Variants in MATR3 observed in about 807,000 individuals in gnomAD.
MATR3 encodes matrin 3.
Under a neutral mutation model 85.5 loss-of-function variants are expected in MATR3, and 4 were observed. The observed-to-expected ratio is 0.05, with a 90% CI of 0.02 to 0.11. MATR3 has a LOEUF of 0.11. MATR3 is among the 10% of genes least tolerant of loss of function. The pLI is 1.00. For synonymous variants in MATR3, 336 were observed against 343.1 expected, an observed-to-expected ratio of 0.98 and a Z score of 0.23; for missense variants, 685 against 1,016.1, an observed-to-expected ratio of 0.67 and a Z score of 4.43.
At chr5:139,284,764 A>G (rs1753649437) in intron 3 of MATR3, among the ~76,000 whole-genome samples, 1 of 152,226 alleles carries the variant, frequency 6.6e-6, no homozygotes, top group Non-Finnish European at 1.5e-5. Context: ...TGTGTAAATT[A>G]TAACTTGAAG....
In MATR3 at chr5:139,329,532, CTG is replaced by C. The variant is rs1756028466; in HGVS notation, c.*139_*140del. On this transcript the variant is annotated 3_prime_UTR_variant, in exon 15 of 15. Coordinates refer to ENST00000394805, the MANE Select transcript of MATR3 (RefSeq NM_018834.6). ...GTTTTAGTGGAGAAATAATAGATGT[CTG>C]TTCATGTGTTAAGTGTTATAGCAAA... 1 of 737,534 alleles carries C rather than the reference CTG, an allele frequency of 1.4e-6. No individual in the cohort carries two copies. The allele number at this position is 737,534 out of a possible 1,614,324, so 45.7% of individuals were successfully genotyped here.
At position 139,330,494 on chromosome 5, in the gene MATR3, A is replaced by G. The variant is rs2152036090; in HGVS notation, c.*1099A>G. On this transcript the variant is annotated 3_prime_UTR_variant, in exon 15 of 15. Transcript: ENST00000394805. ...GCTCTTAAACTTTGTGCATGCTTTA[A>G]CAATTTATTACTTTTAAATCTAGAG... 1 of 454,232 alleles carries G rather than the reference A, an allele frequency of 2.2e-6. No individual in the cohort carries two copies. Among genetic ancestry groups the G allele is most frequent in the Admixed American group, 2.3e-5 (1 of 42,572 alleles). The allele number at this position is 454,232 out of a possible 1,614,324, so 28.1% of individuals were successfully genotyped here.
rs886060001 is a variant in MATR3, at chr5:139,331,286, T to G, written c.*1891T>G. On this transcript the variant is annotated 3_prime_UTR_variant, in exon 15 of 15. Transcript: ENST00000394805. ...TTGCCAGTTTACTTCTGCAATTTAA[T>G]TTTAGCCTTTACTAATTACCCACTT... is the stretch of plus-strand genomic sequence containing the variant. The G allele has an allele frequency of 8.8e-6, 4 of 454,024 alleles. No homozygotes were observed. The East Asian group carries it at 2.8e-4, about 31-fold the overall frequency. The allele number at this position is 454,024 out of a possible 1,614,324, so 28.1% of individuals were successfully genotyped here.
At chr5:139,280,839 T>C (rs978704829) in intron 3 of MATR3, among the ~76,000 whole-genome samples, 24 of 29,240 alleles carry the variant, frequency 8.2e-4, no homozygotes, top group African/African-American at 1.8e-3. Flanking sequence ...AGATAATTCA[T>C]TGGTATTCCT....
intron 2 of MATR3, 106 bp from the exon 3 acceptor site, chr5:139,314,569 A>C (rs1475001685): frequency 1.2e-6 from 1 of 855,618 alleles, no homozygotes; most frequent in African/African-American, 1.7e-5. Flanking sequence ...AGGTGTTTGT[A>C]CAGCCTATGA....
chr5:139,319,863 T>A (rs1755457034), intron 9 of MATR3, among the ~76,000 whole-genome samples: 1 of 96,108 alleles, frequency 1.0e-5, no homozygotes, highest in Non-Finnish European at 1.7e-5. Context: ...AAATTTGCTT[T>A]TTTTTTTTTT....
At chr5:139,318,652 G>A (rs1027492628) in intron 7 of MATR3, among the ~76,000 whole-genome samples, 2 of 152,160 alleles carry the variant, frequency 1.3e-5, no homozygotes, top group Non-Finnish European at 2.9e-5. Flanking sequence ...CATGTTGGTC[G>A]GCCAGGATGG....
At chr5:139,306,922 A>G (rs888330743) in intron 1 of MATR3, among the ~76,000 whole-genome samples, 8 of 152,110 alleles carry the variant, frequency 5.3e-5, no homozygotes, top group Admixed American at 6.5e-5. Context: ...TTATTCTTCT[A>G]AAAGAAGAAA....
intron 3 of MATR3, among the ~76,000 whole-genome samples, chr5:139,286,236 G>C (rs544860293): frequency 4.6e-5 from 7 of 152,260 alleles, no homozygotes; most frequent in Admixed American, 3.9e-4. Flanking sequence ...CATTAAAACT[G>C]TCCCAGTAGA....
intron 8 of MATR3, 117 bp from the exon 9 acceptor site, chr5:139,319,217 A>G: frequency 7.6e-7 from 1 of 1,319,066 alleles, no homozygotes; most frequent in Non-Finnish European, 1.1e-6. Context: ...AAGCCTGGGC[A>G]ACATAGCAAG....
At chr5:139,301,600 G>A (rs1754446560) in intron 1 of MATR3, among the ~76,000 whole-genome samples, 1 of 152,052 alleles carries the variant, frequency 6.6e-6, no homozygotes, top group Non-Finnish European at 1.5e-5. Flanking sequence ...GGGATTACAG[G>A]TATAAGCCAC....
At chr5:139,275,142 A>ATTTTTTT (rs750841386) in intron 1 of MATR3, among the ~76,000 whole-genome samples, 21 of 40,910 alleles carry the variant, frequency 5.1e-4, no homozygotes, top group African/African-American at 8.4e-4. Flanking sequence ...CGCCCGGCTA[A>ATTTTTTT]TTTTTTTTTT....
At position 139,325,534 on chromosome 5, in the gene MATR3, C is replaced by G. The variant is rs886851076; in HGVS notation, c.2243C>G (p.Ser748Cys). The G allele has an allele frequency of 6.2e-7, 1 of 1,614,156 alleles. No homozygotes were observed. Among genetic ancestry groups the G allele is most frequent in the South Asian group, 1.1e-5 (1 of 91,078 alleles). Residue 748 changes from serine (S) to cysteine (C), a missense_variant, in exon 13 of 15, where the codon TCT becomes TGT. Physicochemically the swap from Ser to Cys is moderately radical, Grantham distance 112. This residue lies in a region of MATR3 where 215 missense variants were observed against 194.7 expected (regional missense o/e 1.10). Coordinates refer to ENST00000394805, the MANE Select transcript of MATR3 (RefSeq NM_018834.6). ...EENTEPGAES[S>C]ENADDPNKDT... ...AACACAGAACCAGGTGCTGAATCTT[C>G]TGAGAACGCTGATGATCCCAACAAA...
At position 139,329,878 on chromosome 5, in the gene MATR3, A is replaced by T. The variant is rs1169101759; in HGVS notation, c.*483A>T. ...CGTTTTGGTTGCATTTCATTTTTGG[A>T]GAACTTAATTAACGTGAGATTGGCA... On this transcript the variant is annotated 3_prime_UTR_variant, in exon 15 of 15. Coordinates refer to ENST00000394805, the MANE Select transcript of MATR3 (RefSeq NM_018834.6). The T allele has an allele frequency of 1.1e-5, 5 of 454,412 alleles. No homozygotes were observed. The highest frequency in any genetic ancestry group is 2.2e-5 in the Non-Finnish European group (5 of 226,790). 28.1% of individuals were successfully genotyped at this position (454,412 alleles called of 1,614,324 possible). A position where few individuals can be genotyped will look rare whatever the true frequency, so the allele number is the denominator to read the frequency against.
intron 1 of MATR3, among the ~76,000 whole-genome samples, chr5:139,303,758 T>A (rs922177668): frequency 2.0e-5 from 3 of 152,036 alleles, no homozygotes; most frequent in Admixed American, 6.6e-5. Context: ...CTTTTTTTTT[T>A]AAACTAAAAA....
At chr5:139,324,752 T>C (rs572258875) in intron 12 of MATR3, among the ~76,000 whole-genome samples, 3 of 152,232 alleles carry the variant, frequency 2.0e-5, no homozygotes, top group East Asian at 1.9e-4. Context: ...AGATAAAATA[T>C]GAATATTCCT....
At chr5:139,296,375 C>A (rs1245430745) in intron 1 of MATR3, among the ~76,000 whole-genome samples, 1 of 151,902 alleles carries the variant, frequency 6.6e-6, no homozygotes, top group Non-Finnish European at 1.5e-5. Flanking sequence ...GTTTTTTAAA[C>A]GACAATGTAA....
intron 2 of MATR3, chr5:139,311,827 G>A (rs539077571): frequency 7.6e-6 from 1 of 130,890 alleles, no homozygotes; most frequent in East Asian, 2.3e-4. Flanking sequence ...GAGTACAGTG[G>A]CGTGATCTTG....
intron 3 of MATR3, among the ~76,000 whole-genome samples, chr5:139,284,780 C>G (rs895173630): frequency 6.6e-6 from 1 of 152,098 alleles, no homozygotes; most frequent in African/African-American, 2.4e-5. Flanking sequence ...TGAAGAACCT[C>G]TCTTACAAGC....
Sources: allele counts gnomAD v4.1 joint callset (sites outside exome capture counted in the v4.1 genomes callset), GRCh38; gene constraint gnomAD v4.1.1; regional missense constraint gnomAD v4.1.1; transcripts MANE v1.5; gene names NCBI Gene and HGNC (gene_info 2026-07-23, HGNC 2026-07-21).